Variants in FUT8 observed in about 807,000 individuals in gnomAD.
FUT8 encodes the protein fucosyltransferase 8.
FUT8 carries 29 observed loss-of-function variants against 71.3 expected under a neutral mutation model. The ratio of observed to expected loss-of-function variants is 0.41; its 90% CI spans 0.30 to 0.55. The LOEUF is 0.55. Among genes scored for constraint, FUT8 ranks in the 20% least tolerant of loss-of-function variants. FUT8 has a pLI of 0.34. For synonymous variants in FUT8, 254 were observed against 239.3 expected (o/e 1.06, Z -0.57); for missense variants, 544 against 702.1 (o/e 0.77, Z 2.55).
chr14:65,670,256 A>G (rs1482407297), intron 7 of FUT8, among the ~76,000 whole-genome samples: 1 of 152,164 alleles, frequency 6.6e-6, no homozygotes, highest in African/African-American at 2.4e-5. Context: ...AAGTTGGGCT[A>G]CCTTGTTAAA....
Position 65,489,919 on chromosome 14 carries a change from A to G in FUT8, c.-228+34201A>G, listed in dbSNP as rs1257851368. ...TTAAAAACTCCAAAACCCAAGGAAG[A>G]AAAAGCTTCTTGCATTTATATAACA... On this transcript the variant is annotated intron_variant, in intron 2 of 10. Transcript: ENST00000673929. This position sits in a 1 kb window ranked among gnomAD's most constrained non-coding sequence, Gnocchi z 4.0. Among the ~76,000 whole-genome samples, 2 of 152,138 alleles carry G rather than the reference A, an allele frequency of 1.3e-5. No individual in the cohort carries two copies. The highest frequency in any genetic ancestry group is 2.9e-5 in the Non-Finnish European group (2 of 67,986).
At chr14:65,571,048 C>T (rs1189199864) in intron 3 of FUT8, among the ~76,000 whole-genome samples, 1 of 152,098 alleles carries the variant, frequency 6.6e-6, no homozygotes, top group African/African-American at 2.4e-5. Context: ...AATCTTCTTC[C>T]ACCATGTGGC....
chr14:65,492,251 T>C (rs2066492288), intron 2 of FUT8, among the ~76,000 whole-genome samples: 1 of 152,198 alleles, frequency 6.6e-6, no homozygotes, highest in Non-Finnish European at 1.5e-5. Flanking sequence ...TTAAATCAAG[T>C]TTAGCCGAAA....
chr14:65,565,610 G>A (rs941764290), intron 3 of FUT8, among the ~76,000 whole-genome samples: 5 of 151,870 alleles, frequency 3.3e-5, no homozygotes, highest in South Asian at 4.1e-4. Context: ...TACCTGTACC[G>A]TTTTGAAATT....
At chr14:65,589,508 A>G (rs999874300) in intron 3 of FUT8, among the ~76,000 whole-genome samples, 8 of 145,538 alleles carry the variant, frequency 5.5e-5, no homozygotes, top group African/African-American at 2.0e-4. Context: ...CAGTGGCGCA[A>G]TTTCAGCTAA....
At chr14:65,398,244 T>G in the FUT8 span, among the ~76,000 whole-genome samples, 13 of 152,316 alleles carry the variant, frequency 8.5e-5, no homozygotes, top group African/African-American at 2.4e-4. Flanking sequence ...CACTGCAGCC[T>G]TGACCTCTGG....
intron 2 of FUT8, among the ~76,000 whole-genome samples, chr14:65,504,814 A>G (rs566164944): frequency 3.3e-5 from 5 of 152,230 alleles, no homozygotes; most frequent in East Asian, 3.9e-4. Context: ...TTGGCCTCCC[A>G]CAGTGCTGGG....
rs920483158 is a variant in FUT8 at position 65,743,908 on chromosome 14, G to A, written c.*1498G>A. 1 of 151,856 alleles carries A rather than the reference G, an allele frequency of 6.6e-6. No homozygotes were observed. The highest frequency in any genetic ancestry group is 1.5e-5 in the Non-Finnish European group (1 of 67,856). The allele number at this position is 151,856 out of a possible 1,614,324, so 9.4% of individuals were successfully genotyped here. ...TGTAGGAGCGACTATCAGGCCTAGTGTGAAATATTAGGGATCCTAGGCAGA... is the reference window on the plus strand; with the variant it reads ...TGTAGGAGCGACTATCAGGCCTAGTATGAAATATTAGGGATCCTAGGCAGA... On this transcript the variant is annotated 3_prime_UTR_variant, in exon 11 of 11. Transcript: ENST00000673929.
At chr14:65,518,227 T>C (rs1882841415) in intron 2 of FUT8, among the ~76,000 whole-genome samples, 1 of 152,166 alleles carries the variant, frequency 6.6e-6, no homozygotes, top group African/African-American at 2.4e-5. Context: ...AACATATATT[T>C]TAGATTCATA....
rs567960612 is a variant in FUT8, at chr14:65,722,947, G to C, written c.1082+926G>C. 8.2e-3 allele frequency among the ~76,000 whole-genome samples: 1,252 copies of C among 152,174 alleles called. 7 individuals are homozygous for C. Among genetic ancestry groups the C allele is most frequent in the Middle Eastern group, 0.024 (7 of 294 alleles). ...ATATAAATAGTGATTTAGTAATTTG[G>C]GGGGAGGGGAAGGCAAGATTTAAGG... On this transcript the variant is annotated intron_variant, in intron 8 of 10. Transcript: ENST00000673929.
Position 65,578,661 on chromosome 14 carries a change from A to G in FUT8, c.203+16895A>G, listed in dbSNP as rs532613518. On this transcript the variant is annotated intron_variant, in intron 3 of 10. Coordinates refer to ENST00000673929, the MANE Select transcript of FUT8 (RefSeq NM_001371533.1). ...GCCCAGGGAAGCCAAAAGATTGGAC[A>G]CCCCTGATTTAGATAACATAATGAA... is the stretch of plus-strand genomic sequence containing the variant. Among the ~76,000 whole-genome samples, 3 of 152,286 alleles carry G rather than the reference A, an allele frequency of 2.0e-5. No individual in the cohort carries two copies. In the South Asian group the frequency reaches 6.2e-4, roughly 32 times the overall value.
intron 2 of FUT8, among the ~76,000 whole-genome samples, chr14:65,555,876 A>C (rs1202612125): frequency 2.0e-5 from 3 of 152,248 alleles, no homozygotes; most frequent in African/African-American, 7.2e-5. Flanking sequence ...CTCTGGTATT[A>C]GTATAAAACC....
At chr14:65,448,231 G>T (rs186894417) in intron 1 of FUT8, among the ~76,000 whole-genome samples, 21 of 152,278 alleles carry the variant, frequency 1.4e-4, no homozygotes, top group Admixed American at 4.6e-4. Context: ...TTTGTGGTAT[G>T]GTGAAGAGTG....
intron 1 of FUT8, among the ~76,000 whole-genome samples, chr14:65,443,718 TA>T (rs11317208): frequency 0.69 from 97,137 of 140,306 alleles, 32,473 homozygotes; most frequent in East Asian, 0.77. Context: ...GGACCTCTAA[TA>T]AAAAAAAAAA....
At chr14:65,724,653 T>C (rs1241575596) in intron 9 of FUT8, among the ~76,000 whole-genome samples, 1 of 152,182 alleles carries the variant, frequency 6.6e-6, no homozygotes. Context: ...CATAACAAAA[T>C]AACATAGACT....
At chr14:65,662,813 T>C (rs1408572394) in intron 6 of FUT8, among the ~76,000 whole-genome samples, 1 of 152,184 alleles carries the variant, frequency 6.6e-6, no homozygotes, top group Non-Finnish European at 1.5e-5. Context: ...ATCACACAAC[T>C]GAGTTCATAA....
intron 3 of FUT8, among the ~76,000 whole-genome samples, chr14:65,587,187 T>TC (rs1326800615): frequency 1.5e-5 from 2 of 135,610 alleles, no homozygotes; most frequent in Non-Finnish European, 3.1e-5. Flanking sequence ...AGACTCTGTC[T>TC]CAAAAAAAAA....
chr14:65,440,318 G>A lies in FUT8; in HGVS notation c.-325-15303G>A, dbSNP rs148334158. Among the ~76,000 whole-genome samples the A allele has an allele frequency of 1.0e-3, 154 of 151,400 alleles. 1 individual carries two copies. Among genetic ancestry groups the A allele is most frequent in the African/African-American group, 3.7e-3 (152 of 41,324 alleles). ...TGACTGTAGTTAATAATAAAGTGTT[G>A]TATACTTGAAAATTGCTTAGAAAGT... is the stretch of plus-strand genomic sequence containing the variant. On this transcript the variant is annotated intron_variant, in intron 1 of 10. Coordinates refer to ENST00000673929, the MANE Select transcript of FUT8 (RefSeq NM_001371533.1).
chr14:65,611,280 CACACACACACACACACACA>C (rs1566851477), intron 3 of FUT8, among the ~76,000 whole-genome samples: 10 of 41,844 alleles, frequency 2.4e-4, no homozygotes, highest in Admixed American at 5.6e-4. Context: ...CACACACACA[CACACACACACACACACACA>C]CACCCCCCAA....
Sources: allele counts gnomAD v4.1 joint callset (sites outside exome capture counted in the v4.1 genomes callset), GRCh38; gene constraint gnomAD v4.1.1; non-coding constraint Gnocchi (gnomAD v3.1); transcripts MANE v1.5; gene names NCBI Gene and HGNC (gene_info 2026-07-23, HGNC 2026-07-21).